RET: variants seen among roughly 807,000 people sequenced by gnomAD.
The protein encoded by RET is ret proto-oncogene.
In RET, 19 loss-of-function variants were observed where a neutral mutation model predicts 118.3. The observed-to-expected ratio is 0.16, with a 90% CI of 0.11 to 0.24. The LOEUF is 0.24. Ranked by LOEUF, RET falls within the 10% of genes least tolerant of loss-of-function variation. RET has a pLI of 1.00. For synonymous variants in RET, 597 were observed against 644.1 expected, an observed-to-expected ratio of 0.93 and a Z score of 1.11; for missense variants, 1,219 against 1,502.1, an observed-to-expected ratio of 0.81 and a Z score of 3.12.
At chr10:43,116,475 A>G (rs1838072455) in intron 11 of RET, 109 bp from the exon 12 acceptor site, 10 of 1,363,744 alleles carry the variant, frequency 7.3e-6, no homozygotes, top group Non-Finnish European at 1.0e-5. Context: ...GGTTCTCTGC[A>G]CATTGGAACT....
chr10:43,083,314 C>G (rs1837224064), intron 1 of RET, among the ~76,000 whole-genome samples: 1 of 152,340 alleles, frequency 6.6e-6, no homozygotes, highest in Non-Finnish European at 1.5e-5. Flanking sequence ...CTCCCCTAGC[C>G]TCCCCACCAC....
rs149708066 is a variant in RET at position 43,098,702 on chromosome 10, G to T, written c.74-1757G>T. ...CTCCGAAAGTATTAGGATTACAGGC[G>T]TGAGCCACTGCGCCCGGCCAGATTT... On this transcript the variant is annotated intron_variant, in intron 1 of 19. Transcript: ENST00000355710. Among the ~76,000 whole-genome samples, 5 of 152,284 alleles carry T rather than the reference G, an allele frequency of 3.3e-5. No homozygotes were observed. The East Asian group carries it at 7.7e-4, about 24-fold the overall frequency.
rs573341236 is a variant in RET, at chr10:43,078,027, C to G, written c.73+696C>G. Among the ~76,000 whole-genome samples the G allele has an allele frequency of 5.3e-5, 8 of 152,332 alleles. No homozygotes were observed. The East Asian group carries it at 1.5e-3, about 29-fold the overall frequency. ...GCTGAAGATGCGGCCATAGGAGGCCCAGGGCTTGGGGTGGGGCAGGGGTTT... is the reference window on the plus strand; with the variant it reads ...GCTGAAGATGCGGCCATAGGAGGCCGAGGGCTTGGGGTGGGGCAGGGGTTT... On this transcript the variant is annotated intron_variant, in intron 1 of 19. Coordinates refer to ENST00000355710, the MANE Select transcript of RET (RefSeq NM_020975.6).
intron 1 of RET, among the ~76,000 whole-genome samples, chr10:43,084,311 TGTGTTACATTCCCA>T (rs1220074684): frequency 1.3e-5 from 2 of 152,270 alleles, no homozygotes; most frequent in Non-Finnish European, 2.9e-5. Context: ...GTGGTTGAAT[TGTGTTACATTCCCA>T]AGGGTTACAA....
rs2132858279 is a variant in RET at position 43,114,851 on chromosome 10, G to A, written c.2136+115G>A. 1 of 1,150,768 alleles carries A rather than the reference G, an allele frequency of 8.7e-7. No homozygotes were observed. Among genetic ancestry groups the A allele is most frequent in the Non-Finnish European group, 1.2e-6 (1 of 827,560 alleles). The allele number at this position is 1,150,768 out of a possible 1,614,324, so 71.3% of individuals were successfully genotyped here. On this transcript the variant is annotated intron_variant, in intron 11 of 19. Coordinates refer to ENST00000355710, the MANE Select transcript of RET (RefSeq NM_020975.6). This position sits in a 1 kb window ranked among gnomAD's most constrained non-coding sequence, Gnocchi z 4.6. The stretch of plus-strand genomic sequence containing the variant: ...TGTGAGGGGCTGCCAACGCTGGGCA[G>A]ACGAGGCCTGTGTTCTGCCCCCATT...
chr10:43,112,300 A>G, intron 8 of RET, 76 bp downstream of exon 8: 1 of 1,449,924 alleles, frequency 6.9e-7, no homozygotes, highest in Non-Finnish European at 9.1e-7. Flanking sequence ...GGGCCCTGCC[A>G]GCCTGGGGTG....
chr10:43,077,914 G>T (rs951433110), intron 1 of RET, among the ~76,000 whole-genome samples: 2 of 152,112 alleles, frequency 1.3e-5, no homozygotes, highest in Non-Finnish European at 2.9e-5. Flanking sequence ...AAAAACCGTG[G>T]TTTCTGGGGT....
chr10:43,089,268 T>C (rs1837360338), intron 1 of RET, among the ~76,000 whole-genome samples: 2 of 152,192 alleles, frequency 1.3e-5, no homozygotes, highest in African/African-American at 4.8e-5. Context: ...CGGGGTCAGG[T>C]GTCCCAGGGT....
At chr10:43,084,793 G>A (rs569272901) in intron 1 of RET, among the ~76,000 whole-genome samples, 93 of 152,202 alleles carry the variant, frequency 6.1e-4, no homozygotes, top group Admixed American at 9.8e-4. Flanking sequence ...TGGAAACCAT[G>A]GTGTCACTGC....
Position 43,122,075 on chromosome 10 carries a change from G to C in RET, c.2801+59G>C, listed in dbSNP as rs1026974521. Reference sequence around the variant, plus strand: ...TTACAGAAACACCCTTATACATGTAGTGGGGCCACGACGCCCGTCTGTGCA... The same window carrying C: ...TTACAGAAACACCCTTATACATGTACTGGGGCCACGACGCCCGTCTGTGCA... On this transcript the variant is annotated intron_variant, in intron 16 of 19. Transcript: ENST00000355710. 28 of 1,343,454 alleles carry C rather than the reference G, an allele frequency of 2.1e-5. 2 individuals carry two copies. In the South Asian group the frequency reaches 2.8e-4, roughly 13 times the overall value. The allele number at this position is 1,343,454 out of a possible 1,614,324, so 83.2% of individuals were successfully genotyped here. A position where few individuals can be genotyped will look rare whatever the true frequency, so the allele number is the denominator to read the frequency against.
At chr10:43,123,168 C>T (rs1488407817) in intron 16 of RET, among the ~76,000 whole-genome samples, 3 of 152,104 alleles carry the variant, frequency 2.0e-5, no homozygotes, top group Admixed American at 6.5e-5. Flanking sequence ...CATTGCAAAG[C>T]GAGTTTTCCT....
Position 43,114,735 on chromosome 10 carries a change from T to C in RET, c.2135T>C (p.Leu712Pro), listed in dbSNP as rs760272063. Residue 712 changes from leucine (L) to proline (P), a missense_variant and splice_region_variant, in exon 11 of 20, where the codon CTG becomes CCG. Leu to Pro is a moderately conservative substitution (Grantham distance 98). Transcript: ENST00000355710. The surrounding 1 kb of genome is among the most constrained non-coding windows in gnomAD (Gnocchi z 4.6). ...NQVSVDAFKI[L>P]EDPKWEFPRK... Reference sequence around the variant, plus strand: ...GTCTCCGTGGATGCCTTCAAGATCCTGGTGAGGGTCCCTGCGGGGCAGGGA... The same window carrying C: ...GTCTCCGTGGATGCCTTCAAGATCCCGGTGAGGGTCCCTGCGGGGCAGGGA... 6.2e-7 allele frequency: 1 copy of C among 1,608,856 alleles called. No homozygotes were observed. The highest frequency in any genetic ancestry group is 1.7e-5 in the Admixed American group (1 of 59,878).
At chr10:43,116,437 AG>A in intron 11 of RET, 146 bp from the exon 12 acceptor site, 1 of 965,718 alleles carries the variant, frequency 1.0e-6, no homozygotes, top group Non-Finnish European at 1.6e-6. Context: ...AGAGACAGGC[AG>A]CGTTGCCGCT....
intron 9 of RET, 45 bp from the exon 10 acceptor site, chr10:43,113,511 T>G: frequency 6.4e-7 from 1 of 1,563,530 alleles, no homozygotes; most frequent in Non-Finnish European, 8.6e-7. Flanking sequence ...GCGCCTGGGG[T>G]GGTCAGGCGC....
At chr10:43,126,200 C>A (rs546685880) in intron 18 of RET, among the ~76,000 whole-genome samples, 1 of 152,218 alleles carries the variant, frequency 6.6e-6, no homozygotes, top group Non-Finnish European at 1.5e-5. Context: ...GGTTTGTCAG[C>A]GGGCTGGTTC....
At chr10:43,113,479 G>A in intron 9 of RET, 77 bp from the exon 10 acceptor site, 2 of 1,490,146 alleles carry the variant, frequency 1.3e-6, no homozygotes, top group South Asian at 1.3e-5. Context: ...GGGCTCCTTG[G>A]GACACTGCCC....
intron 19 of RET, chr10:43,127,354 A>C (rs566989955): frequency 9.4e-7 from 1 of 1,066,002 alleles, no homozygotes; most frequent in African/African-American, 1.6e-5. Context: ...ACCCACCTTC[A>C]GGACGGTTGT....
chr10:43,118,508 C>T (rs1183810341), intron 13 of RET, 28 bp downstream of exon 13: 1 of 1,539,408 alleles, frequency 6.5e-7, no homozygotes, highest in African/African-American at 1.4e-5. Flanking sequence ...GTGAGGTGGG[C>T]AGCCACTGCA....
intron 1 of RET, among the ~76,000 whole-genome samples, chr10:43,085,151 G>T (rs922179828): frequency 6.6e-6 from 1 of 152,136 alleles, no homozygotes; most frequent in Non-Finnish European, 1.5e-5. Context: ...GTGGGCTCCT[G>T]CAAATCTGCT....
Sources: gnomAD v4.1 joint callset for allele counts (sites outside exome capture counted in the v4.1 genomes callset) on GRCh38, gnomAD v4.1.1 for gene constraint, Gnocchi (gnomAD v3.1) non-coding constraint, MANE v1.5 for transcripts, NCBI Gene and HGNC (gene_info 2026-07-23, HGNC 2026-07-21) for gene names.